Variants in NPHP4 observed in about 807,000 individuals in gnomAD.
NPHP4 encodes nephrocystin 4.
Under a neutral mutation model 155.8 loss-of-function variants are expected in NPHP4, and 151 were observed. That is an observed-to-expected ratio of 0.97 (90% CI 0.85 to 1.11). The LOEUF (loss-of-function observed/expected upper bound fraction) is 1.11, where lower values mean the gene tolerates loss of function less well. Among genes scored for constraint, NPHP4 ranks in the 50% least tolerant of loss-of-function variants. The pLI is 0.00. For synonymous variants in NPHP4, 845 were observed against 816.8 expected (o/e 1.03, Z -0.59); for missense variants, 1,956 against 1,925.7 (o/e 1.02, Z -0.29).
intron 5 of NPHP4, among the ~76,000 whole-genome samples, chr1:5,964,927 A>ATTTTTTTTTT (rs1553194713): frequency 3.7e-5 from 1 of 27,016 alleles, no homozygotes; most frequent in Non-Finnish European, 6.2e-5. Flanking sequence ...TTATATATAT[A>ATTTTTTTTTT]TATATATATA....
At chr1:5,888,471 C>T in intron 17 of NPHP4, 1 of 1,217,986 alleles carries the variant, frequency 8.2e-7, no homozygotes, top group Non-Finnish European at 1.0e-6. Flanking sequence ...TGACCCTTCC[C>T]TTGTGGGTCT....
At position 5,986,225 on chromosome 1, in the gene NPHP4, C is replaced by T. The variant is rs767635344; in HGVS notation, c.65G>A (p.Arg22His). Residue 22 changes from arginine (R) to histidine (H), a missense_variant, in exon 2 of 30, where the codon CGC becomes CAC. Coordinates refer to ENST00000378156, the MANE Select transcript of NPHP4 (RefSeq NM_015102.5). Reference protein sequence around the residue: ...VLVPPHPQRARQPWKESTAFQ... With the variant: ...VLVPPHPQRAHQPWKESTAFQ... ...TGCCGTGGATTCCTTCCAAGGCTGG[C>T]GCGCTCTCTGTGGGTGGGGAGGGAC... 3.7e-6 allele frequency: 6 copies of T among 1,613,792 alleles called. No individual in the cohort carries two copies. The highest frequency in any genetic ancestry group is 4.5e-5 in the East Asian group (2 of 44,878).
intron 26 of NPHP4, chr1:5,865,736 CT>C (rs1321857234): frequency 1.2e-5 from 2 of 166,518 alleles, no homozygotes; most frequent in Admixed American, 5.6e-5. Context: ...GAGCCTGCTG[CT>C]TCACAGTCAA....
chr1:5,914,067 G>A lies in NPHP4; in HGVS notation c.1442-4854C>T, dbSNP rs143158375. Among the ~76,000 whole-genome samples, 927 of 151,864 alleles carry A rather than the reference G, an allele frequency of 6.1e-3. 11 individuals are homozygous for A. Among genetic ancestry groups the A allele is most frequent in the African/African-American group, 0.02 (818 of 41,380 alleles). ...CAGGGATAGGGCTGGGGCAGGAGGC[G>A]GCCTCCCCACCAACAACCCTCTCTC... On this transcript the variant is annotated intron_variant, in intron 11 of 29. Transcript: ENST00000378156.
At chr1:5,988,988 A>T (rs1655875847) in intron 1 of NPHP4, among the ~76,000 whole-genome samples, 1 of 152,050 alleles carries the variant, frequency 6.6e-6, no homozygotes, top group South Asian at 2.1e-4. Flanking sequence ...TCTGTGGGCT[A>T]TTTTTGTCGC....
At chr1:5,961,097 C>T (rs1650236633) in intron 6 of NPHP4, among the ~76,000 whole-genome samples, 1 of 152,232 alleles carries the variant, frequency 6.6e-6, no homozygotes, top group African/African-American at 2.4e-5. Flanking sequence ...ACATTTCACT[C>T]TTAGGATGAA....
chr1:5,983,646 G>C (rs1325761889), intron 2 of NPHP4, among the ~76,000 whole-genome samples: 1 of 152,128 alleles, frequency 6.6e-6, no homozygotes, highest in Non-Finnish European at 1.5e-5. Context: ...CTGAGAGTAT[G>C]ACTACATGCT....
In NPHP4 at chr1:5,990,747, G is replaced by T. The variant is rs1172572604; in HGVS notation, c.-39+1497C>A. Reference sequence around the variant, plus strand: ...CAGGAGAGGCCAAGGGAGAAGAGAGGCCCAGAGGGAAAAAGTAAGAGCACC... The same window carrying T: ...CAGGAGAGGCCAAGGGAGAAGAGAGTCCCAGAGGGAAAAAGTAAGAGCACC... On this transcript the variant is annotated intron_variant, in intron 1 of 29. Transcript: ENST00000378156. 2.0e-5 allele frequency among the ~76,000 whole-genome samples: 3 copies of T among 152,282 alleles called. No homozygotes were observed. In the East Asian group the frequency reaches 5.8e-4, roughly 29 times the overall value.
intron 6 of NPHP4, among the ~76,000 whole-genome samples, chr1:5,958,381 T>C (rs1649641626): frequency 1.3e-5 from 2 of 152,140 alleles, no homozygotes; most frequent in East Asian, 3.9e-4. Flanking sequence ...GGAGAAACCC[T>C]GTCTCTACAA....
chr1:5,937,077 G>A (rs543489500), intron 9 of NPHP4, among the ~76,000 whole-genome samples: 1 of 152,312 alleles, frequency 6.6e-6, no homozygotes, highest in Admixed American at 6.5e-5. Context: ...AAGAGGCAGG[G>A]AGGCCCCATC....
chr1:5,963,897 AG>A (rs1322299379), intron 5 of NPHP4, among the ~76,000 whole-genome samples: 11 of 152,106 alleles, frequency 7.2e-5, no homozygotes, highest in Non-Finnish European at 1.5e-4. Flanking sequence ...CATGTTGACC[AG>A]GCTGGTCTCG....
At chr1:5,888,468 T>TCC in intron 17 of NPHP4, 1 of 1,213,452 alleles carries the variant, frequency 8.2e-7, no homozygotes, top group Non-Finnish European at 1.0e-6. Context: ...ACCTGACCCT[T>TCC]CCCTTGTGGG....
At chr1:5,991,589 C>T (rs912667975) in intron 1 of NPHP4, 1 of 152,250 alleles carries the variant, frequency 6.6e-6, no homozygotes, top group African/African-American at 2.4e-5. Flanking sequence ...GCGGGAGCAG[C>T]CTGCACGCGT....
At chr1:5,938,887 A>G (rs1188752912) in intron 9 of NPHP4, among the ~76,000 whole-genome samples, 2 of 152,256 alleles carry the variant, frequency 1.3e-5, no homozygotes, top group East Asian at 3.8e-4. Context: ...CAACTGTTAG[A>G]GAACGATGTT....
rs1268966074 is a variant in NPHP4 at position 5,982,331 on chromosome 1, C to T, written c.135+3824G>A. ...CTATGTTTGATATACCGTTGTGTTA[C>T]AATTGCCAATGGTATTCAGTACAGT... On this transcript the variant is annotated intron_variant, in intron 2 of 29. Coordinates refer to ENST00000378156, the MANE Select transcript of NPHP4 (RefSeq NM_015102.5). Among the ~76,000 whole-genome samples the T allele has an allele frequency of 1.1e-4, 17 of 152,226 alleles. No individual in the cohort carries two copies. The South Asian group carries it at 2.5e-3, about 22-fold the overall frequency.
intron 6 of NPHP4, among the ~76,000 whole-genome samples, chr1:5,956,385 G>A (rs556924904): frequency 6.6e-6 from 1 of 152,370 alleles, no homozygotes; most frequent in African/African-American, 2.4e-5. Context: ...CAAGTCCCAC[G>A]CACAGGAAGT....
rs1650335025 is a variant in NPHP4 at position 5,961,646 on chromosome 1, C to G, written c.673+148G>C. 29 of 673,196 alleles carry G rather than the reference C, an allele frequency of 4.3e-5. No homozygotes were observed. In the South Asian group the frequency reaches 5.2e-4, roughly 12 times the overall value. The allele number at this position is 673,196 out of a possible 1,614,324, so 41.7% of individuals were successfully genotyped here. On this transcript the variant is annotated intron_variant, in intron 6 of 29. Transcript: ENST00000378156. ...TGCCATTCCATCCTCCTCCACTGTC[C>G]CCCACAACCCCCGCCAGGCCGTGCT...
intron 11 of NPHP4, among the ~76,000 whole-genome samples, chr1:5,911,488 T>C (rs1645177413): frequency 6.6e-6 from 1 of 152,208 alleles, no homozygotes; most frequent in African/African-American, 2.4e-5. Context: ...AAAAGCTGGA[T>C]GAAAAGTTAA....
chr1:5,882,268 T>C lies in NPHP4; in HGVS notation c.2486-2029A>G, dbSNP rs1235526542. ...GCGCGCTTACCCAGCCATCTCTCAG[T>C]GGCGCGCTTACCCAGCCATCTCTCA... On this transcript the variant is annotated intron_variant, in intron 18 of 29. Transcript: ENST00000378156. This position sits in a 1 kb window ranked among gnomAD's most constrained non-coding sequence, Gnocchi z 5.1. The C allele has an allele frequency of 3.3e-5, 4 of 120,876 alleles. No homozygotes were observed. Among genetic ancestry groups the C allele is most frequent in the African/African-American group, 1.3e-4 (4 of 31,626 alleles). 7.5% of individuals were successfully genotyped at this position (120,876 alleles called of 1,614,324 possible).
Sources: allele counts gnomAD v4.1 joint callset (sites outside exome capture counted in the v4.1 genomes callset), GRCh38; gene constraint gnomAD v4.1.1; non-coding constraint Gnocchi (gnomAD v3.1); transcripts MANE v1.5; gene names NCBI Gene and HGNC (gene_info 2026-07-23, HGNC 2026-07-21).